The following SDCCAG8 variants were observed in gnomAD, a reference collection of about 807,000 sequenced individuals.
SDCCAG8 encodes SHH signaling and ciliogenesis regulator SDCCAG8, also known as serologically defined colon cancer antigen 8.
A neutral mutation model predicts 101.8 loss-of-function variants in SDCCAG8; 74 were observed. The ratio of observed to expected loss-of-function variants is 0.73; its 90% CI spans 0.60 to 0.88. SDCCAG8 has a LOEUF of 0.88. Ranked by LOEUF, SDCCAG8 falls within the 40% of genes least tolerant of loss-of-function variation. The pLI is 0.00. For missense variants in SDCCAG8, 787 were observed against 822.6 expected (o/e 0.96, Z 0.53); for synonymous variants, 281 against 292.9 (o/e 0.96, Z 0.41).
chr1:243,361,238 A>G (rs2076693912), intron 12 of SDCCAG8, among the ~76,000 whole-genome samples: 1 of 152,178 alleles, frequency 6.6e-6, no homozygotes, highest in Non-Finnish European at 1.5e-5. Context: ...TAACCCTTCA[A>G]GTCATCGCTG....
At chr1:243,450,898 A>T (rs2083305101) in intron 16 of SDCCAG8, among the ~76,000 whole-genome samples, 1 of 152,180 alleles carries the variant, frequency 6.6e-6, no homozygotes, top group Non-Finnish European at 1.5e-5. Flanking sequence ...ACCTCAGGTG[A>T]TCCTTCCGCC....
chr1:243,455,342 T>C (rs1691885085), intron 16 of SDCCAG8, among the ~76,000 whole-genome samples: 1 of 152,210 alleles, frequency 6.6e-6, no homozygotes, highest in Non-Finnish European at 1.5e-5. Flanking sequence ...CTATGTCAGC[T>C]CACTGCAACC....
At chr1:243,497,344 G>A (rs935684384) in intron 17 of SDCCAG8, among the ~76,000 whole-genome samples, 1 of 143,072 alleles carries the variant, frequency 7.0e-6, no homozygotes, top group Admixed American at 6.9e-5. Flanking sequence ...GGGTGGGGGG[G>A]GGGGCGTTGA....
intron 6 of SDCCAG8, among the ~76,000 whole-genome samples, chr1:243,302,119 G>T (rs766804363): frequency 6.6e-6 from 1 of 152,044 alleles, no homozygotes; most frequent in Admixed American, 6.6e-5. Context: ...ATGATGTCAC[G>T]TGCCTGTAAT....
chr1:243,270,372 C>A, intron 2 of SDCCAG8, 115 bp downstream of exon 2: 1 of 1,043,536 alleles, frequency 9.6e-7, no homozygotes, highest in Non-Finnish European at 1.4e-6. Context: ...TCCTCAAACA[C>A]AAATCAGATA....
At chr1:243,271,141 GA>G (rs2068050240) in intron 3 of SDCCAG8, 78 bp downstream of exon 3, 1 of 1,035,904 alleles carries the variant, frequency 9.7e-7, no homozygotes, top group South Asian at 1.3e-5. Context: ...ACATGTTGCA[GA>G]AAAAATTTAA....
At chr1:243,396,953 A>C (rs980596066) in intron 13 of SDCCAG8, among the ~76,000 whole-genome samples, 3 of 152,240 alleles carry the variant, frequency 2.0e-5, no homozygotes, top group Admixed American at 6.5e-5. Context: ...CTTGAAGAAG[A>C]AAGCAGAAGC....
intron 12 of SDCCAG8, among the ~76,000 whole-genome samples, chr1:243,365,591 C>G (rs1233354475): frequency 6.6e-6 from 1 of 152,036 alleles, no homozygotes; most frequent in Non-Finnish European, 1.5e-5. Flanking sequence ...AATGTGTACA[C>G]CATCTAAGAG....
intron 16 of SDCCAG8, among the ~76,000 whole-genome samples, chr1:243,487,627 C>A (rs189867777): frequency 9.2e-5 from 14 of 152,114 alleles, no homozygotes; most frequent in African/African-American, 3.4e-4. Flanking sequence ...GTCCCTTAGT[C>A]CTTACACTTT....
intron 16 of SDCCAG8, 134 bp downstream of exon 16, chr1:243,426,692 T>C: frequency 9.2e-7 from 1 of 1,085,298 alleles, no homozygotes; most frequent in East Asian, 2.5e-5. Context: ...AATCTAATAC[T>C]TTATTTTATG....
At chr1:243,380,271 A>G (rs1408418550) in intron 13 of SDCCAG8, among the ~76,000 whole-genome samples, 2 of 152,222 alleles carry the variant, frequency 1.3e-5, no homozygotes, top group Non-Finnish European at 2.9e-5. Flanking sequence ...TAACGTTAGC[A>G]TAATTCCTGT....
At chr1:243,498,347 CCACT>C (rs1668558382) in intron 17 of SDCCAG8, among the ~76,000 whole-genome samples, 1 of 152,290 alleles carries the variant, frequency 6.6e-6, no homozygotes, top group East Asian at 1.9e-4. Context: ...TCCTCATGGG[CCACT>C]CAGACAGGGC....
At chr1:243,294,475 G>GC (rs1279148696) in intron 6 of SDCCAG8, among the ~76,000 whole-genome samples, 1 of 117,244 alleles carries the variant, frequency 8.5e-6, no homozygotes, top group African/African-American at 2.8e-5. Flanking sequence ...CCAAAAGGTG[G>GC]GGGGGGGGAG....
At chr1:243,497,342 G>GC (rs1365047811) in intron 17 of SDCCAG8, among the ~76,000 whole-genome samples, 1 of 148,906 alleles carries the variant, frequency 6.7e-6, no homozygotes, top group African/African-American at 2.5e-5. Flanking sequence ...ACGGGTGGGG[G>GC]GGGGGGCGTT....
At chr1:243,368,296 A>T (rs1002037084) in intron 12 of SDCCAG8, among the ~76,000 whole-genome samples, 1 of 152,050 alleles carries the variant, frequency 6.6e-6, no homozygotes, top group Admixed American at 6.6e-5. Context: ...AGAAATCATA[A>T]CATTTGGGTG....
intron 16 of SDCCAG8, among the ~76,000 whole-genome samples, chr1:243,484,817 G>A (rs897832386): frequency 6.6e-6 from 1 of 152,176 alleles, no homozygotes; most frequent in Non-Finnish European, 1.5e-5. Context: ...AGGCCAAGGC[G>A]GGCAGATCAC....
intron 12 of SDCCAG8, among the ~76,000 whole-genome samples, chr1:243,360,441 C>T (rs1249792707): frequency 6.6e-6 from 1 of 152,074 alleles, no homozygotes; most frequent in Non-Finnish European, 1.5e-5. Context: ...CGTGAGCCCC[C>T]ATGCCTGGCC....
At chr1:243,259,332 A>G (rs919270521) in intron 1 of SDCCAG8, among the ~76,000 whole-genome samples, 10 of 151,250 alleles carry the variant, frequency 6.6e-5, no homozygotes, top group Middle Eastern at 3.4e-3. Context: ...GCATGAACCC[A>G]GGAGGTGGAG....
At chr1:243,323,974 C>T (rs528081227) in intron 9 of SDCCAG8, among the ~76,000 whole-genome samples, 6 of 152,148 alleles carry the variant, frequency 3.9e-5, no homozygotes, top group Non-Finnish European at 5.9e-5. Context: ...TAAGTGTGGA[C>T]GTTCCTCAGA....
Sources: allele counts gnomAD v4.1 joint callset (sites outside exome capture counted in the v4.1 genomes callset), GRCh38; gene constraint gnomAD v4.1.1; transcripts MANE v1.5; gene names NCBI Gene and HGNC (gene_info 2026-07-23, HGNC 2026-07-21).